Variants in RYR2 observed in about 807,000 individuals in gnomAD.
RYR2 encodes the protein cardiac muscle ryanodine receptor-calcium release channel.
RYR2 carries 227 observed loss-of-function variants against 601.1 expected under a neutral mutation model. That is an observed-to-expected ratio of 0.38 (90% CI 0.34 to 0.42). The LOEUF (loss-of-function observed/expected upper bound fraction) is 0.42, where lower values mean the gene tolerates loss of function less well. Among genes scored for constraint, RYR2 ranks in the 10% least tolerant of loss-of-function variants. RYR2 has a pLI of 1.00. For synonymous variants in RYR2, 2,223 were observed against 2,175.1 expected (o/e 1.02, Z -0.61); for missense variants, 4,646 against 6,156.5 (o/e 0.75, Z 8.21).
chr1:237,467,302 G>T (rs868037812), intron 16 of RYR2, among the ~76,000 whole-genome samples: 7 of 150,998 alleles, frequency 4.6e-5, no homozygotes, highest in South Asian at 2.1e-4. Context: ...AAACTGAAAA[G>T]CATGAGTTAA....
chr1:237,474,523 C>G (rs1219221109), intron 17 of RYR2, among the ~76,000 whole-genome samples: 1 of 146,452 alleles, frequency 6.8e-6, no homozygotes, highest in African/African-American at 2.5e-5. Context: ...TGTAGATTGC[C>G]TAACCTAGTG....
chr1:237,137,363 G>T (rs1271555745), intron 1 of RYR2, among the ~76,000 whole-genome samples: 1 of 152,102 alleles, frequency 6.6e-6, no homozygotes, highest in Non-Finnish European at 1.5e-5. Context: ...ATTTATAAGA[G>T]AGCAAGCATG....
At chr1:237,080,264 A>C (rs1333154477) in intron 1 of RYR2, among the ~76,000 whole-genome samples, 12 of 2,284 alleles carry the variant, frequency 5.3e-3, no homozygotes, top group Middle Eastern at 0.062. Context: ...GCAACAAAAG[A>C]CAAAATTGAC....
intron 3 of RYR2, among the ~76,000 whole-genome samples, chr1:237,339,212 C>T (rs1697523416): frequency 6.6e-6 from 1 of 152,062 alleles, no homozygotes; most frequent in Non-Finnish European, 1.5e-5. Flanking sequence ...CTCCTATTAA[C>T]AAAGAAAAAT....
At chr1:237,564,934 CTAGCTGTATGTT>C (rs1305543865) in intron 27 of RYR2, among the ~76,000 whole-genome samples, 1 of 152,122 alleles carries the variant, frequency 6.6e-6, no homozygotes, top group African/African-American at 2.4e-5. Flanking sequence ...TACATATGAC[CTAGCTGTATGTT>C]TATTGGCAAC....
chr1:237,648,276 C>A (rs1194233196), intron 48 of RYR2, among the ~76,000 whole-genome samples, 168 bp from the exon 49 acceptor site: 1 of 152,182 alleles, frequency 6.6e-6, no homozygotes, highest in Non-Finnish European at 1.5e-5. Context: ...ACATTCACTG[C>A]CTTATTTCCT....
rs3835529 is a variant in RYR2, at chr1:237,798,801, C to CACACACACACACACACACAT, written c.14090+632_14090+633insCACACACACACACACACATA. ...TCACACACACACACACACACACACA[C>CACACACACACACACACACAT]ATATAGTGTGAGTGTACAGATATAT... is the stretch of plus-strand genomic sequence containing the variant. On this transcript the variant is annotated intron_variant, in intron 97 of 104. Coordinates refer to ENST00000366574, the MANE Select transcript of RYR2 (RefSeq NM_001035.3). Among the ~76,000 whole-genome samples, 1,309 of 148,368 alleles carry CACACACACACACACACACAT rather than the reference C, an allele frequency of 8.8e-3. 19 individuals are homozygous for CACACACACACACACACACAT. Among genetic ancestry groups the CACACACACACACACACACAT allele is most frequent in the African/African-American group, 0.03 (1,151 of 38,668 alleles).
intron 8 of RYR2, among the ~76,000 whole-genome samples, chr1:237,384,277 T>G (rs1701796819): frequency 6.6e-6 from 1 of 152,236 alleles, no homozygotes; most frequent in African/African-American, 2.4e-5. Flanking sequence ...GGAAATTGCC[T>G]TTTTAACTCC....
chr1:237,760,966 TA>T lies in RYR2; in HGVS notation c.11417del (p.Asn3806MetfsTer15). 1 of 1,570,532 alleles carries T rather than the reference TA, an allele frequency of 6.4e-7. No individual in the cohort carries two copies. ...GLMQSCSVLD[L>X]NAFERQNKAE... ...CCTTGTTATTATAGTGTCCTTGACCTAAATGCATTTGAGCGACAAAACAAAG... is the reference window on the plus strand; with the variant it reads ...CCTTGTTATTATAGTGTCCTTGACCTAATGCATTTGAGCGACAAAACAAAG... On this transcript the variant is annotated frameshift_variant, in exon 84 of 105. Transcript: ENST00000366574. LOFTEE classifies it high-confidence loss of function.
chr1:237,349,056 C>T (rs894603004), intron 3 of RYR2, among the ~76,000 whole-genome samples: 1 of 152,136 alleles, frequency 6.6e-6, no homozygotes, highest in Non-Finnish European at 1.5e-5. Flanking sequence ...ATGCGAGTAA[C>T]TGGATTCCCA....
At chr1:237,566,423 A>C (rs1020425834) in intron 27 of RYR2, 144 bp from the exon 28 acceptor site, 1 of 840,588 alleles carries the variant, frequency 1.2e-6, no homozygotes, top group Non-Finnish European at 1.8e-6. Context: ...ATGGGAAAGA[A>C]GATAAGAAGG....
At chr1:237,452,416 T>C (rs1398533462) in intron 14 of RYR2, among the ~76,000 whole-genome samples, 1 of 134,864 alleles carries the variant, frequency 7.4e-6, no homozygotes, top group Non-Finnish European at 1.6e-5. Context: ...GTATAAACTA[T>C]ATACTATAGA....
Position 237,808,760 on chromosome 1 carries a change from G to A in RYR2, c.14299-141G>A, listed in dbSNP as rs995385146. On this transcript the variant is annotated intron_variant, in intron 99 of 104. Transcript: ENST00000366574. ...TCTGCATGAGGGGGCTAAGAAAGGTGAGAAATAAGTTATGGATCCCATTAG... is the reference window on the plus strand; with the variant it reads ...TCTGCATGAGGGGGCTAAGAAAGGTAAGAAATAAGTTATGGATCCCATTAG... 3.1e-5 allele frequency: 20 copies of A among 641,882 alleles called. No individual in the cohort carries two copies. In the African/African-American group the frequency reaches 3.4e-4, roughly 11 times the overall value. 39.8% of individuals were successfully genotyped at this position (641,882 alleles called of 1,614,324 possible).
At chr1:237,094,145 A>G (rs560223484) in intron 1 of RYR2, among the ~76,000 whole-genome samples, 14 of 152,368 alleles carry the variant, frequency 9.2e-5, no homozygotes, top group Middle Eastern at 6.8e-3. Flanking sequence ...CTTTACAGAT[A>G]GAGGTGTTCC....
At chr1:237,693,078 T>G (rs1687089727) in intron 63 of RYR2, among the ~76,000 whole-genome samples, 1 of 152,210 alleles carries the variant, frequency 6.6e-6, no homozygotes, top group Non-Finnish European at 1.5e-5. Context: ...ACACTTACTA[T>G]GAGACAAGTG....
chr1:237,561,402 G>T (rs1377163496), intron 27 of RYR2, among the ~76,000 whole-genome samples: 1 of 152,216 alleles, frequency 6.6e-6, no homozygotes, highest in Non-Finnish European at 1.5e-5. Context: ...TCAGTAAAGG[G>T]AGAAATATCT....
Position 237,784,749 on chromosome 1 carries a change from G to A in RYR2, c.13037G>A (p.Gly4346Glu). 1 of 1,601,790 alleles carries A rather than the reference G, an allele frequency of 6.2e-7. No individual in the cohort carries two copies. The highest frequency in any genetic ancestry group is 8.5e-7 in the Non-Finnish European group (1 of 1,172,992). ...DPTQDEVRGD[G>E]EEGERKPLEA... ...ACTCAGGATGAGGTTAGAGGAGATG[G>A]GGAGGAGGGAGAGAGGAAACCCCTG... The change falls in exon 90 of 105, where the codon GGG becomes GAG. Residue 4346 changes from glycine (G) to glutamate (E), a missense_variant. This residue lies in a region of RYR2 where 364 missense variants were observed against 442.9 expected (regional missense o/e 0.82). Transcript: ENST00000366574. The surrounding 1 kb of genome is among the most constrained non-coding windows in gnomAD (Gnocchi z 7.1).
chr1:237,540,218 C>G (rs1669106041), intron 25 of RYR2, among the ~76,000 whole-genome samples: 1 of 151,968 alleles, frequency 6.6e-6, no homozygotes, highest in Non-Finnish European at 1.5e-5. Context: ...AAACAATCCA[C>G]TCACTCCAAG....
intron 1 of RYR2, among the ~76,000 whole-genome samples, chr1:237,155,216 T>C (rs1199813500): frequency 6.7e-6 from 1 of 149,678 alleles, no homozygotes; most frequent in Non-Finnish European, 1.5e-5. Context: ...CGCTCTGTTG[T>C]CCAGGCTGGA....
Sources: allele counts gnomAD v4.1 joint callset (sites outside exome capture counted in the v4.1 genomes callset), GRCh38; gene constraint gnomAD v4.1.1; regional missense constraint gnomAD v4.1.1; non-coding constraint Gnocchi (gnomAD v3.1); transcripts MANE v1.5; gene names NCBI Gene and HGNC (gene_info 2026-07-23, HGNC 2026-07-21).